Variants in CAMKK2 observed in about 807,000 individuals in gnomAD.
CAMKK2 encodes the protein calcium/calmodulin dependent protein kinase kinase 2.
CAMKK2 carries 30 observed loss-of-function variants against 67.2 expected under a neutral mutation model. The observed-to-expected ratio is 0.45, with a 90% CI of 0.33 to 0.61. The LOEUF is 0.61. Ranked by LOEUF, CAMKK2 falls within the 20% of genes least tolerant of loss-of-function variation. CAMKK2 has a pLI of 0.02. For missense variants in CAMKK2, 643 were observed against 802.0 expected (o/e 0.80, Z 2.39); for synonymous variants, 322 against 326.2 (o/e 0.99, Z 0.14).
At position 121,240,524 on chromosome 12, in the gene CAMKK2, C is replaced by CA; in HGVS notation, c.*174_*175insT. On this transcript the variant is annotated 3_prime_UTR_variant, in exon 17 of 17. Transcript: ENST00000404169. This position sits in a 1 kb window ranked among gnomAD's most constrained non-coding sequence, Gnocchi z 4.4. ...ACGGTCGACGTCATGGAGTCAAGTC[C>CA]TTTTTTTTTTTTTGTCCCCTTTAAA... The CA allele has an allele frequency of 6.8e-7, 1 of 1,471,442 alleles. No individual in the cohort carries two copies. Among genetic ancestry groups the CA allele is most frequent in the Non-Finnish European group, 9.1e-7 (1 of 1,101,668 alleles). 91.1% of individuals were successfully genotyped at this position (1,471,442 alleles called of 1,614,324 possible). A position where few individuals can be genotyped will look rare whatever the true frequency, so the allele number is the denominator to read the frequency against.
chr12:121,253,384 A>G lies in CAMKK2; in HGVS notation c.996T>C (p.Gly332=). Residue 332 remains glycine (G), a synonymous_variant, in exon 10 of 17, where the codon GGT becomes GGC. Coordinates refer to ENST00000404169, the MANE Select transcript of CAMKK2 (RefSeq NM_001270485.2). The surrounding 1 kb of genome is among the most constrained non-coding windows in gnomAD (Gnocchi z 5.0). ...EDGHIKIADF[G]VSNEFKGSDA... ...CACTGCCCTTGAATTCATTGCTCAC[A>G]CCAAAGTCAGCGATCTTGATGTGCC... is the stretch of plus-strand genomic sequence containing the variant. 6.2e-7 allele frequency: 1 copy of G among 1,614,088 alleles called. No homozygotes were observed. Among genetic ancestry groups the G allele is most frequent in the Non-Finnish European group, 8.5e-7 (1 of 1,180,012 alleles).
chr12:121,254,278 C>T (rs536772119), intron 9 of CAMKK2, among the ~76,000 whole-genome samples: 14 of 151,968 alleles, frequency 9.2e-5, no homozygotes, highest in Non-Finnish European at 8.8e-5. Flanking sequence ...GCCAACATAG[C>T]GAAACCCCAT....
At chr12:121,297,455 C>A, upstream of CAMKK2, 1 of 389,052 alleles carries the variant, frequency 2.6e-6, no homozygotes, top group South Asian at 1.8e-5. Flanking sequence ...CATTGAAGTT[C>A]ATTCTGGCTT....
At chr12:121,292,706 T>C (rs1489491953) in intron 1 of CAMKK2, among the ~76,000 whole-genome samples, 1 of 152,144 alleles carries the variant, frequency 6.6e-6, no homozygotes, top group Non-Finnish European at 1.5e-5. Context: ...ACAATGGCTA[T>C]AATCCAATCC....
At chr12:121,255,704 A>T in intron 8 of CAMKK2, 66 bp from the exon 9 acceptor site, 1 of 1,606,434 alleles carries the variant, frequency 6.2e-7, no homozygotes, top group Admixed American at 1.7e-5. Flanking sequence ...TCTCATGAGC[A>T]GAGCCCAGTG....
At chr12:121,279,768 G>A (rs779109482) in intron 1 of CAMKK2, among the ~76,000 whole-genome samples, 1 of 152,238 alleles carries the variant, frequency 6.6e-6, no homozygotes, top group Non-Finnish European at 1.5e-5. Context: ...TCACAGGGCA[G>A]CTCATCACGA....
intron 5 of CAMKK2, among the ~76,000 whole-genome samples, chr12:121,265,365 TA>T (rs1894320723): frequency 6.7e-6 from 1 of 150,180 alleles, no homozygotes; most frequent in African/African-American, 2.5e-5. Context: ...GGGAAAGTGG[TA>T]GTGTGTGTCC....
chr12:121,255,719 C>T, intron 8 of CAMKK2, 64 bp downstream of exon 8: 1 of 1,604,668 alleles, frequency 6.2e-7, no homozygotes, highest in Non-Finnish European at 8.5e-7. Flanking sequence ...CCAGTGGCAC[C>T]TCACTCAGCT....
chr12:121,288,498 C>T (rs185377101), intron 1 of CAMKK2, among the ~76,000 whole-genome samples: 1 of 152,336 alleles, frequency 6.6e-6, no homozygotes, highest in Admixed American at 6.5e-5. Context: ...AAATATTTCT[C>T]TGCCAGAAGC....
rs1284296009 is a variant in CAMKK2 at position 121,263,916 on chromosome 12, G to A, written c.649C>T (p.Arg217Trp). 2.2e-5 allele frequency: 36 copies of A among 1,605,940 alleles called. No individual in the cohort carries two copies. The highest frequency in any genetic ancestry group is 3.3e-4 in the Middle Eastern group (2 of 6,032). ...TGGATGCAGCCTCCAGGAGCTGGCC[G>A]GGTGCCTCGGGGTGGAGGGCGACCT... ...FPRRPPPRGT[R>W]PAPGGCIQPR... Residue 217 changes from arginine to tryptophan, a missense_variant, in exon 6 of 17, where the codon CGG becomes TGG. This residue lies in a region of CAMKK2 where 483 missense variants were observed against 625.8 expected (regional missense o/e 0.77). Coordinates refer to ENST00000404169, the MANE Select transcript of CAMKK2 (RefSeq NM_001270485.2).
chr12:121,242,380 T>C (rs1367411373), intron 16 of CAMKK2, among the ~76,000 whole-genome samples: 1 of 146,630 alleles, frequency 6.8e-6, no homozygotes, highest in Non-Finnish European at 1.5e-5. Context: ...AGAAAGAAAA[T>C]AGGAAAGAAA....
intron 9 of CAMKK2, among the ~76,000 whole-genome samples, chr12:121,255,315 TTTATATATATATAA>T (rs1891905436): frequency 1.8e-4 from 1 of 5,614 alleles, no homozygotes; most frequent in Non-Finnish European, 3.7e-4. Flanking sequence ...TATATATAAT[TTTATATATATATAA>T]TTATATATAA....
In CAMKK2 at chr12:121,248,824, C is replaced by T. The variant is rs1380638276; in HGVS notation, c.1324-90G>A. Reference sequence around the variant, plus strand: ...AGCGGAGCCACAAGGGCATGCAGGACGGAGAGGCAAGGGCCTGTGGTCAGG... The same window carrying T: ...AGCGGAGCCACAAGGGCATGCAGGATGGAGAGGCAAGGGCCTGTGGTCAGG... On this transcript the variant is annotated intron_variant, in intron 13 of 16. Coordinates refer to ENST00000404169, the MANE Select transcript of CAMKK2 (RefSeq NM_001270485.2). 229 of 1,507,994 alleles carry T rather than the reference C, an allele frequency of 1.5e-4. 1 individual carries two copies. In the East Asian group the frequency reaches 4.4e-3, roughly 29 times the overall value. 93.4% of individuals were successfully genotyped at this position (1,507,994 alleles called of 1,614,324 possible).
intron 1 of CAMKK2, among the ~76,000 whole-genome samples, chr12:121,279,923 G>A (rs559517930): frequency 1.0e-3 from 156 of 152,340 alleles, no homozygotes; most frequent in African/African-American, 3.6e-3. Context: ...ACCTGCATCC[G>A]CTACCTCCCG....
At chr12:121,294,285 A>T (rs991236987) in intron 1 of CAMKK2, among the ~76,000 whole-genome samples, 1 of 152,128 alleles carries the variant, frequency 6.6e-6, no homozygotes, top group African/African-American at 2.4e-5. Context: ...AGGACACTTT[A>T]GTAGGCATCC....
At chr12:121,244,549 A>G (rs1159579893) in intron 16 of CAMKK2, 24 bp downstream of exon 16, 1 of 1,555,770 alleles carries the variant, frequency 6.4e-7, no homozygotes, top group Non-Finnish European at 8.7e-7. Context: ...AGCAGAGGCT[A>G]CGGCACAGGC....
chr12:121,285,759 C>A lies in CAMKK2; in HGVS notation c.-60+10879G>T, dbSNP rs1306564152. Among the ~76,000 whole-genome samples, 1 of 152,156 alleles carries A rather than the reference C, an allele frequency of 6.6e-6. No homozygotes were observed. Among genetic ancestry groups the A allele is most frequent in the African/African-American group, 2.4e-5 (1 of 41,412 alleles). On this transcript the variant is annotated intron_variant, in intron 1 of 16. Transcript: ENST00000404169. This position sits in a 1 kb window ranked among gnomAD's most constrained non-coding sequence, Gnocchi z 4.1. ...CTGGGGAGGTTGATGCAGCAGTGAG[C>A]CGTGATCATGCCACCGCACTCTAGC...
At chr12:121,260,509 A>G (rs1893232881) in intron 6 of CAMKK2, 154 bp from the exon 7 acceptor site, 2 of 684,882 alleles carry the variant, frequency 2.9e-6, no homozygotes, top group South Asian at 1.6e-5. Flanking sequence ...GATGGAAGAT[A>G]GGGAAAACCC....
intron 14 of CAMKK2, among the ~76,000 whole-genome samples, chr12:121,248,076 C>A (rs748559011): frequency 1.4e-4 from 22 of 152,220 alleles, no homozygotes; most frequent in Non-Finnish European, 2.8e-4. Flanking sequence ...ATTCTGGCTC[C>A]TTCTTCCTGG....
Sources: gnomAD v4.1 joint callset for allele counts (sites outside exome capture counted in the v4.1 genomes callset) on GRCh38, gnomAD v4.1.1 for gene constraint, gnomAD v4.1.1 regional missense constraint, Gnocchi (gnomAD v3.1) non-coding constraint, MANE v1.5 for transcripts, NCBI Gene and HGNC (gene_info 2026-07-23, HGNC 2026-07-21) for gene names.